Variants in PEPD observed in about 807,000 individuals in gnomAD.
PEPD encodes the protein peptidase D.
In PEPD, 53 loss-of-function variants were observed where a neutral mutation model predicts 60.7. The ratio of observed to expected loss-of-function variants is 0.87; its 90% CI spans 0.70 to 1.10. The LOEUF is 1.10. Among genes scored for constraint, PEPD ranks in the 50% least tolerant of loss-of-function variants. The pLI, the probability that PEPD is intolerant of heterozygous loss-of-function variation, is 0.00. For missense variants in PEPD, 711 were observed against 711.9 expected (o/e 1.00, Z 0.01); for synonymous variants, 267 against 284.1 (o/e 0.94, Z 0.60).
intron 3 of PEPD, among the ~76,000 whole-genome samples, chr19:33,505,992 A>C (rs1433739787): frequency 7.1e-6 from 1 of 141,558 alleles, no homozygotes; most frequent in Non-Finnish European, 1.5e-5. Flanking sequence ...AACACCTTAC[A>C]CATCACTCAC....
chr19:33,425,384 C>T (rs1969122998), intron 9 of PEPD, among the ~76,000 whole-genome samples: 2 of 152,150 alleles, frequency 1.3e-5, no homozygotes, highest in Admixed American at 6.5e-5. Flanking sequence ...CACATTGTCC[C>T]TCTAAGGAAC....
intron 4 of PEPD, among the ~76,000 whole-genome samples, chr19:33,494,047 G>A (rs921422613): frequency 1.1e-4 from 16 of 152,058 alleles, no homozygotes; most frequent in South Asian, 4.1e-4. Context: ...GGGCAGGTTC[G>A]TTCACTCCCT....
rs773722161 is a variant in PEPD at position 33,411,694 on chromosome 19, T to C, written c.796A>G (p.Thr266Ala). 58 of 1,608,974 alleles carry C rather than the reference T, an allele frequency of 3.6e-5. No homozygotes were observed. In the Middle Eastern group the frequency reaches 1.3e-3, roughly 37 times the overall value. ...YGHAGAPNDR[T>A]IQNGDMCLFD... ...TACCACATATCCCCATTCTGGATCG[T>C]TCGGTCGTTGGGAGCTCCGGCGTGT... Residue 266 changes from threonine (T) to alanine (A), a missense_variant, in exon 11 of 15, where the codon ACG (threonine) becomes GCG (alanine). Coordinates refer to ENST00000244137, the MANE Select transcript of PEPD (RefSeq NM_000285.4).
At chr19:33,473,450 T>C (rs74505232) in intron 7 of PEPD, among the ~76,000 whole-genome samples, 11,395 of 152,250 alleles carry the variant, frequency 0.075, 525 homozygotes, top group Non-Finnish European at 0.11. Context: ...GAAATAGACA[T>C]GTTACCCACC....
intron 9 of PEPD, among the ~76,000 whole-genome samples, chr19:33,449,082 C>A (rs1040614609): frequency 6.6e-6 from 1 of 152,234 alleles, no homozygotes; most frequent in Non-Finnish European, 1.5e-5. Flanking sequence ...TCACAGGGGC[C>A]TCGGGGGAAG....
At chr19:33,421,783 C>T (rs866319395) in intron 9 of PEPD, among the ~76,000 whole-genome samples, 1 of 152,178 alleles carries the variant, frequency 6.6e-6, no homozygotes. Context: ...GTGTGAGCCA[C>T]TGTGCCTGGC....
chr19:33,493,133 C>T (rs1970531923), intron 5 of PEPD, among the ~76,000 whole-genome samples, 157 bp downstream of exon 5: 1 of 152,170 alleles, frequency 6.6e-6, no homozygotes, highest in South Asian at 2.1e-4. Context: ...CACCTTGCCT[C>T]TCAAGGCACT....
chr19:33,446,812 T>C (rs1461617756), intron 9 of PEPD, among the ~76,000 whole-genome samples: 2 of 152,330 alleles, frequency 1.3e-5, no homozygotes, highest in East Asian at 3.9e-4. Flanking sequence ...GACCACGGCT[T>C]TCCGATGTGC....
At chr19:33,415,232 C>T (rs1187249284) in intron 9 of PEPD, among the ~76,000 whole-genome samples, 3 of 152,212 alleles carry the variant, frequency 2.0e-5, no homozygotes, top group Admixed American at 6.5e-5. Flanking sequence ...TGGTCATTCT[C>T]GACGTGATGG....
At chr19:33,417,862 C>A (rs976560276) in intron 9 of PEPD, among the ~76,000 whole-genome samples, 13 of 152,212 alleles carry the variant, frequency 8.5e-5, no homozygotes, top group African/African-American at 1.2e-4. Context: ...ACTCCCGCAC[C>A]CTCCAGGCAG....
In PEPD at chr19:33,432,010, A is replaced by AAAAAAAAAAAAAAAAAAAAG. The variant is rs1031542443; in HGVS notation, c.672-18368_672-18367insCTTTTTTTTTTTTTTTTTTT. ...ACCACCTCAAAAAAAAAAAAAAAAA[A>AAAAAAAAAAAAAAAAAAAAG]GGGAAGATTAAACCCAGAGTGACCA... is the stretch of plus-strand genomic sequence containing the variant. On this transcript the variant is annotated intron_variant, in intron 9 of 14. Transcript: ENST00000244137. Among the ~76,000 whole-genome samples the AAAAAAAAAAAAAAAAAAAAG allele has an allele frequency of 2.5e-3, 375 of 147,488 alleles. 9 individuals are homozygous for AAAAAAAAAAAAAAAAAAAAG. The highest frequency in any genetic ancestry group is 9.1e-3 in the African/African-American group (357 of 39,190).
intron 9 of PEPD, among the ~76,000 whole-genome samples, chr19:33,416,762 C>T (rs79457146): frequency 0.011 from 1,611 of 152,340 alleles, 34 homozygotes; most frequent in African/African-American, 0.036. Flanking sequence ...AGGCAAGACT[C>T]GGGTAGAAGA....
intron 9 of PEPD, among the ~76,000 whole-genome samples, chr19:33,429,121 ATTCTTCATGTTCTCTCTCT>A (rs1969217649): frequency 6.6e-6 from 1 of 152,190 alleles, no homozygotes; most frequent in South Asian, 2.1e-4. Context: ...GTGGGTGTGA[ATTCTTCATGTTCTCTCTCT>A]TCCTTCTCAG....
intron 7 of PEPD, among the ~76,000 whole-genome samples, chr19:33,472,664 A>G (rs78508028): frequency 0.012 from 1,784 of 152,332 alleles, 27 homozygotes; most frequent in South Asian, 0.071. Flanking sequence ...ATTAACTGAG[A>G]TCTAAACACT....
intron 9 of PEPD, among the ~76,000 whole-genome samples, chr19:33,439,995 G>A (rs531048249): frequency 1.3e-5 from 2 of 152,296 alleles, no homozygotes; most frequent in East Asian, 3.9e-4. Context: ...TGGGATTACA[G>A]GTGTGAGCCA....
chr19:33,452,477 CAGT>C (rs1400770510), intron 9 of PEPD, among the ~76,000 whole-genome samples: 3 of 151,756 alleles, frequency 2.0e-5, no homozygotes, highest in Non-Finnish European at 4.4e-5. Context: ...GTTTGACCAA[CAGT>C]AGAACTGAAA....
intron 7 of PEPD, among the ~76,000 whole-genome samples, chr19:33,474,162 G>A (rs1316021984): frequency 6.6e-6 from 1 of 152,186 alleles, no homozygotes; most frequent in Non-Finnish European, 1.5e-5. Context: ...AAGGGTGCTG[G>A]ACCGTACGTT....
At chr19:33,443,276 T>A (rs886911769) in intron 9 of PEPD, among the ~76,000 whole-genome samples, 11 of 152,232 alleles carry the variant, frequency 7.2e-5, no homozygotes, top group Non-Finnish European at 5.9e-5. Flanking sequence ...TGAATACTAT[T>A]CCCTCGTATG....
chr19:33,517,421 T>C (rs1971042294), intron 1 of PEPD, among the ~76,000 whole-genome samples: 1 of 151,624 alleles, frequency 6.6e-6, no homozygotes, highest in African/African-American at 2.4e-5. Context: ...TAGCTGGGCA[T>C]AGTGGCACAC....
Sources: allele counts gnomAD v4.1 joint callset (sites outside exome capture counted in the v4.1 genomes callset), GRCh38; gene constraint gnomAD v4.1.1; transcripts MANE v1.5; gene names NCBI Gene and HGNC (gene_info 2026-07-23, HGNC 2026-07-21).